KCNK9: variants seen among roughly 807,000 people sequenced by gnomAD.
The protein encoded by KCNK9 is potassium channel subfamily K member 9.
A neutral mutation model predicts 10.8 loss-of-function variants in KCNK9; 1 was observed. The ratio of observed to expected loss-of-function variants is 0.09; its 90% confidence interval spans 0.03 to 0.44. The LOEUF (loss-of-function observed/expected upper bound fraction) is 0.44. Ranked by LOEUF, KCNK9 falls within the 20% of genes least tolerant of loss-of-function variation. KCNK9 has a pLI of 0.97. For missense variants in KCNK9, 303 were observed against 515.0 expected (o/e 0.59, Z 3.98); for synonymous variants, 231 against 222.7 (o/e 1.04, Z -0.33).
At position 139,618,603 on chromosome 8, in the gene KCNK9, C is replaced by T; in HGVS notation, c.780G>A (p.Glu260=). ...NSEDERRDAE[E]RASLAGNRNS... The stretch of plus-strand genomic sequence containing the variant: ...TGCGGTTTCCGGCGAGGGATGCCCT[C>T]TCTTCAGCATCCCGCCGCTCATCCT... Residue 260 remains glutamate, a synonymous_variant, in exon 2 of 2, where the codon GAG becomes GAA. Transcript: ENST00000520439. This position sits in a 1 kb window ranked among gnomAD's most constrained non-coding sequence, Gnocchi z 7.9. 6.2e-7 allele frequency: 1 copy of T among 1,614,028 alleles called. No individual in the cohort carries two copies. Among genetic ancestry groups the T allele is most frequent in the Non-Finnish European group, 8.5e-7 (1 of 1,179,928 alleles).
At chr8:139,691,007 T>C (rs1468644244) in intron 1 of KCNK9, among the ~76,000 whole-genome samples, 1 of 152,220 alleles carries the variant, frequency 6.6e-6, no homozygotes, top group Non-Finnish European at 1.5e-5. Context: ...GGTGGGCTTA[T>C]GTGGCAAGCA....
intron 1 of KCNK9, among the ~76,000 whole-genome samples, chr8:139,620,509 C>T (rs930280471): frequency 6.6e-6 from 1 of 152,116 alleles, no homozygotes; most frequent in African/African-American, 2.4e-5. Flanking sequence ...CCAGGATCCT[C>T]TGCCGCTCCT....
At position 139,683,131 on chromosome 8, in the gene KCNK9, G is replaced by A. The variant is rs1816724664; in HGVS notation, c.283+19579C>T. Among the ~76,000 whole-genome samples, 4 of 152,294 alleles carry A rather than the reference G, an allele frequency of 2.6e-5. No individual in the cohort carries two copies. The South Asian group carries it at 8.3e-4, about 32-fold the overall frequency. The stretch of plus-strand genomic sequence containing the variant: ...GATAGGAAGAAGGAAAAGGGTCACA[G>A]CACTGACACCCTGCCTGTACGGGAA... On this transcript the variant is annotated intron_variant, in intron 1 of 1. Coordinates refer to ENST00000520439, the MANE Select transcript of KCNK9 (RefSeq NM_001282534.2).
chr8:139,699,870 C>A (rs972220484), intron 1 of KCNK9, among the ~76,000 whole-genome samples: 1 of 152,216 alleles, frequency 6.6e-6, no homozygotes. Context: ...CCAGCACCAG[C>A]GGCTCCTGTC....
At chr8:139,619,303 G>T (rs1814703978) in intron 1 of KCNK9, among the ~76,000 whole-genome samples, 1 of 152,092 alleles carries the variant, frequency 6.6e-6, no homozygotes, top group Non-Finnish European at 1.5e-5. Context: ...GTCACATGAG[G>T]TTAGGGGATG....
At chr8:139,653,310 T>G (rs1035978003) in intron 1 of KCNK9, among the ~76,000 whole-genome samples, 1 of 152,212 alleles carries the variant, frequency 6.6e-6, no homozygotes, top group Non-Finnish European at 1.5e-5. Context: ...CTTGGCTTTA[T>G]CATAACATAA....
intron 2 of KCNK9, among the ~76,000 whole-genome samples, chr8:139,606,735 C>G (rs1215939726): frequency 1.3e-5 from 2 of 152,228 alleles, no homozygotes. Flanking sequence ...AAATTCTACT[C>G]ATCTTTGATA....
intron 1 of KCNK9, among the ~76,000 whole-genome samples, chr8:139,621,886 G>C (rs762398933): frequency 1.3e-5 from 2 of 152,234 alleles, no homozygotes; most frequent in Non-Finnish European, 2.9e-5. Flanking sequence ...TTCTTATTAA[G>C]TGGTAATGTT....
intron 1 of KCNK9, among the ~76,000 whole-genome samples, chr8:139,620,454 A>G (rs1201192758): frequency 6.6e-6 from 1 of 152,250 alleles, no homozygotes; most frequent in African/African-American, 2.4e-5. Flanking sequence ...GAGATCAGAC[A>G]GCTCCGAGCC....
At chr8:139,697,912 C>T (rs1334361260) in intron 1 of KCNK9, among the ~76,000 whole-genome samples, 1 of 152,144 alleles carries the variant, frequency 6.6e-6, no homozygotes, top group Non-Finnish European at 1.5e-5. Context: ...GAGCTGCCCA[C>T]AGGCATCTCC....
rs1199432325 is a variant in KCNK9, at chr8:139,617,467, T to A, written c.*791A>T. Reference sequence around the variant, plus strand: ...GCGCATACCAGTTTAACAAAGTGCATGCTTTTTAAAAAATGTCTGAACTGG... The same window carrying A: ...GCGCATACCAGTTTAACAAAGTGCAAGCTTTTTAAAAAATGTCTGAACTGG... On this transcript the variant is annotated 3_prime_UTR_variant, in exon 2 of 2. Coordinates refer to ENST00000520439, the MANE Select transcript of KCNK9 (RefSeq NM_001282534.2). 2.0e-5 allele frequency among the ~76,000 whole-genome samples: 3 copies of A among 152,232 alleles called. No homozygotes were observed.
chr8:139,615,399 T>G (rs889519356), downstream of KCNK9, among the ~76,000 whole-genome samples: 1 of 152,138 alleles, frequency 6.6e-6, no homozygotes, highest in Non-Finnish European at 1.5e-5. Context: ...GCTGTTTTAT[T>G]AAGAGAAGAA....
intron 1 of KCNK9, among the ~76,000 whole-genome samples, chr8:139,662,062 C>T (rs1428450852): frequency 6.6e-6 from 1 of 152,214 alleles, no homozygotes; most frequent in East Asian, 1.9e-4. Context: ...GGCTGACCTT[C>T]ACTGAACTTC....
intron 1 of KCNK9, among the ~76,000 whole-genome samples, chr8:139,632,078 G>C (rs942821502): frequency 6.6e-6 from 1 of 152,198 alleles, no homozygotes; most frequent in African/African-American, 2.4e-5. Flanking sequence ...GGAAATGAAG[G>C]TAAGACATGT....
chr8:139,669,678 T>A lies in KCNK9; in HGVS notation c.283+33032A>T, dbSNP rs192802508. ...TCTTGAACCCCTCAAAGGGTTGGAA[T>A]CAACTTCTTTCAAACTCCTGTTCAT... On this transcript the variant is annotated intron_variant, in intron 1 of 1. Transcript: ENST00000520439. Among the ~76,000 whole-genome samples the A allele has an allele frequency of 6.6e-5, 10 of 152,354 alleles. No homozygotes were observed. The East Asian group carries it at 1.7e-3, about 26-fold the overall frequency.
Position 139,687,463 on chromosome 8 carries a change from TATATTC to T in KCNK9, c.283+15241_283+15246del, listed in dbSNP as rs1318212284. ...ATATATGTATACACATATATATTCA[TATATTC>T]ATATATATGTATACATATATACACA... On this transcript the variant is annotated intron_variant, in intron 1 of 1. Coordinates refer to ENST00000520439, the MANE Select transcript of KCNK9 (RefSeq NM_001282534.2). Among the ~76,000 whole-genome samples, 466 of 87,582 alleles carry T rather than the reference TATATTC, an allele frequency of 5.3e-3. 169 individuals are homozygous for T. Among genetic ancestry groups the T allele is most frequent in the South Asian group, 8.6e-3 (23 of 2,668 alleles). The allele number at this position is 87,582 out of a possible 152,430, so 57.5% of individuals were successfully genotyped here.
intron 1 of KCNK9, among the ~76,000 whole-genome samples, chr8:139,635,799 C>T (rs1815320729): frequency 6.6e-6 from 1 of 152,132 alleles, no homozygotes; most frequent in African/African-American, 2.4e-5. Flanking sequence ...TCTTACATTC[C>T]CTGCTAGTCC....
chr8:139,665,737 G>A (rs762568815), intron 1 of KCNK9, among the ~76,000 whole-genome samples: 4 of 152,180 alleles, frequency 2.6e-5, no homozygotes, highest in Non-Finnish European at 5.9e-5. Flanking sequence ...TCACCCCACA[G>A]CCTGCTGTCC....
chr8:139,603,276 G>C (rs568230408), intron 2 of KCNK9, among the ~76,000 whole-genome samples: 1 of 152,160 alleles, frequency 6.6e-6, no homozygotes, highest in Non-Finnish European at 1.5e-5. Flanking sequence ...ACAAGCACCC[G>C]TGTGTTTGGA....
Sources: gnomAD v4.1 joint callset for allele counts (sites outside exome capture counted in the v4.1 genomes callset) on GRCh38, gnomAD v4.1.1 for gene constraint, Gnocchi (gnomAD v3.1) non-coding constraint, MANE v1.5 for transcripts, NCBI Gene and HGNC (gene_info 2026-07-23, HGNC 2026-07-21) for gene names.